Variants in ANK2 observed in about 807,000 individuals in gnomAD.
ANK2 encodes ankyrin-2.
Under a neutral mutation model 360.5 loss-of-function variants are expected in ANK2, and 83 were observed. The observed-to-expected ratio is 0.23, with a 90% CI of 0.19 to 0.28. The LOEUF is 0.28. Ranked by LOEUF, ANK2 falls within the 10% of genes least tolerant of loss-of-function variation. ANK2 has a pLI of 1.00. For synonymous variants in ANK2, 1,740 were observed against 1,759.5 expected (o/e 0.99, Z 0.28); for missense variants, 4,201 against 4,795.7 (o/e 0.88, Z 3.66).
chr4:112,728,845 A>T, the ANK2 span, among the ~76,000 whole-genome samples: 1 of 152,222 alleles, frequency 6.6e-6, no homozygotes. Flanking sequence ...AAAATTTTAA[A>T]ATAACAACTG....
At position 113,365,035 on chromosome 4, in the gene ANK2, T is replaced by A. The variant is rs1428081042; in HGVS notation, c.10889-4T>A. 6.2e-7 allele frequency: 1 copy of A among 1,613,796 alleles called. No individual in the cohort carries two copies. The highest frequency in any genetic ancestry group is 1.3e-5 in the African/African-American group (1 of 75,018). ...TAATAAATGCTGTTTCTCTAATGTG[T>A]CAGATACCAACCTCGTTGAATGTCT... On this transcript the variant is annotated splice_polypyrimidine_tract_variant and splice_region_variant and intron_variant, in intron 40 of 45. Coordinates refer to ENST00000357077, the MANE Select transcript of ANK2 (RefSeq NM_001148.6).
At chr4:113,037,636 C>T (rs574240766) in intron 2 of ANK2, among the ~76,000 whole-genome samples, 1 of 151,922 alleles carries the variant, frequency 6.6e-6, no homozygotes, top group African/African-American at 2.4e-5. Flanking sequence ...GATTGTTTTT[C>T]CTACTTGAAT....
At chr4:113,182,368 A>G (rs970968678) in intron 2 of ANK2, among the ~76,000 whole-genome samples, 4 of 152,210 alleles carry the variant, frequency 2.6e-5, no homozygotes, top group South Asian at 2.1e-4. Context: ...GGGTCCAGAA[A>G]AAAGATTTTG....
At chr4:112,828,257 CAG>C (rs1405573425) in intron 1 of ANK2, among the ~76,000 whole-genome samples, 6 of 89,858 alleles carry the variant, frequency 6.7e-5, no homozygotes, top group Admixed American at 4.6e-4. Context: ...TTTTTTGAGA[CAG>C]AGTCTTGCTC....
chr4:113,270,324 A>G (rs1277338765), intron 14 of ANK2, among the ~76,000 whole-genome samples: 1 of 152,136 alleles, frequency 6.6e-6, no homozygotes, highest in African/African-American at 2.4e-5. Flanking sequence ...TTCTGTATTG[A>G]TATAACCCAT....
the ANK2 span, among the ~76,000 whole-genome samples, chr4:112,766,626 C>T: frequency 2.6e-5 from 4 of 152,114 alleles, no homozygotes; most frequent in South Asian, 2.1e-4. Context: ...CTCAAGGTGG[C>T]GCCCAGCAGC....
intron 9 of ANK2, among the ~76,000 whole-genome samples, chr4:113,247,836 A>G (rs2043874094): frequency 6.6e-6 from 1 of 152,198 alleles, no homozygotes; most frequent in Non-Finnish European, 1.5e-5. Context: ...GTCTCCACAA[A>G]GCCCTCACCA....
intron 26 of ANK2, among the ~76,000 whole-genome samples, chr4:113,324,550 G>A (rs1189724200): frequency 6.6e-6 from 1 of 152,080 alleles, no homozygotes; most frequent in African/African-American, 2.4e-5. Context: ...GCACGCTATT[G>A]TCTTTCCATA....
chr4:112,783,143 C>T, the ANK2 span, among the ~76,000 whole-genome samples: 3 of 152,042 alleles, frequency 2.0e-5, no homozygotes, highest in Non-Finnish European at 4.4e-5. Context: ...CTCCTGACCT[C>T]GTGATTCCCC....
At chr4:113,168,462 C>T (rs2097832857) in intron 1 of ANK2, among the ~76,000 whole-genome samples, 2 of 152,198 alleles carry the variant, frequency 1.3e-5, no homozygotes. Context: ...ATTAAGAACA[C>T]TCTTTTGAGA....
At chr4:113,113,057 T>C (rs2094454161) in intron 1 of ANK2, among the ~76,000 whole-genome samples, 1 of 152,178 alleles carries the variant, frequency 6.6e-6, no homozygotes, top group Non-Finnish European at 1.5e-5. Flanking sequence ...AGTTTGCTTT[T>C]CCTTACCTCG....
intron 2 of ANK2, among the ~76,000 whole-genome samples, chr4:113,032,956 C>T (rs1057272451): frequency 1.3e-5 from 2 of 152,034 alleles, no homozygotes; most frequent in Non-Finnish European, 2.9e-5. Flanking sequence ...TCCCAGCTGA[C>T]ATTCACTATA....
At chr4:113,250,858 A>T (rs1474965429) in intron 10 of ANK2, among the ~76,000 whole-genome samples, 2 of 148,410 alleles carry the variant, frequency 1.3e-5, no homozygotes, top group East Asian at 2.1e-4. Flanking sequence ...TTTATATATA[A>T]TTGAAATCAT....
chr4:112,796,660 T>C, the ANK2 span, among the ~76,000 whole-genome samples: 14 of 151,502 alleles, frequency 9.2e-5, no homozygotes, highest in East Asian at 2.7e-3. Context: ...ACCTTCTTTT[T>C]TTTTTTTTTT....
chr4:113,042,799 T>G (rs914824960), intron 2 of ANK2, among the ~76,000 whole-genome samples: 1 of 152,180 alleles, frequency 6.6e-6, no homozygotes, highest in Non-Finnish European at 1.5e-5. Flanking sequence ...TACACCTTCC[T>G]TTTCATTTAG....
chr4:113,280,947 C>A (rs755496439), intron 17 of ANK2, among the ~76,000 whole-genome samples: 1 of 152,052 alleles, frequency 6.6e-6, no homozygotes, highest in Non-Finnish European at 1.5e-5. Flanking sequence ...TCTGTGTGTC[C>A]TTTTTTTCAA....
intron 1 of ANK2, among the ~76,000 whole-genome samples, chr4:113,061,233 C>G (rs34341474): frequency 9.9e-5 from 15 of 152,084 alleles, no homozygotes; most frequent in Non-Finnish European, 2.2e-4. Flanking sequence ...TTCTTGAGCA[C>G]TAGCAACAGG....
At chr4:113,271,238 T>C (rs1409971763) in intron 14 of ANK2, among the ~76,000 whole-genome samples, 1 of 152,214 alleles carries the variant, frequency 6.6e-6, no homozygotes, top group Non-Finnish European at 1.5e-5. Flanking sequence ...CTTATGACTA[T>C]GATCAGGATA....
the ANK2 span, among the ~76,000 whole-genome samples, chr4:112,789,508 A>T: frequency 2.0e-5 from 3 of 152,336 alleles, no homozygotes; most frequent in African/African-American, 7.2e-5. Flanking sequence ...AGAATTTTTT[A>T]ACAGGCTGTA....
Sources: allele counts gnomAD v4.1 joint callset (sites outside exome capture counted in the v4.1 genomes callset), GRCh38; gene constraint gnomAD v4.1.1; transcripts MANE v1.5; gene names NCBI Gene and HGNC (gene_info 2026-07-23, HGNC 2026-07-21).